The following MAU2 variants were observed in gnomAD, a reference collection of about 807,000 sequenced individuals.
MAU2 encodes MAU2 chromatid cohesion factor homolog.
A neutral mutation model predicts 89.1 loss-of-function variants in MAU2; 9 were observed. The observed-to-expected ratio is 0.10, with a 90% confidence interval of 0.06 to 0.18. The LOEUF (loss-of-function observed/expected upper bound fraction) is 0.18. MAU2 is among the 10% of genes least tolerant of loss of function. MAU2 has a pLI of 1.00. For synonymous variants in MAU2, 357 were observed against 343.4 expected (o/e 1.04, Z -0.44); for missense variants, 425 against 803.5 (o/e 0.53, Z 5.69).
rs2048204937 is a variant in MAU2, at chr19:19,358,653, T to G, written c.*2871T>G. On this transcript the variant is annotated 3_prime_UTR_variant, in exon 19 of 19. Transcript: ENST00000262815. ...TTTACTTAGGGAAAAAAACAATTTG[T>G]AAATACAGAACATTGTTTAAAAGAC... The G allele has an allele frequency of 6.6e-6, 1 of 152,260 alleles. No homozygotes were observed. The highest frequency in any genetic ancestry group is 1.5e-5 in the Non-Finnish European group (1 of 68,044). 9.4% of individuals were successfully genotyped at this position (152,260 alleles called of 1,614,324 possible).
In MAU2 at chr19:19,356,421, C is replaced by G. The variant is rs1218318829; in HGVS notation, c.*639C>G. ...AACATCTGCACCTTGACCGGACTCG[C>G]CATCCCGCCGTGGGGGTGCAGGTGA... On this transcript the variant is annotated 3_prime_UTR_variant, in exon 19 of 19. Transcript: ENST00000262815. 3.8e-6 allele frequency: 1 copy of G among 265,902 alleles called. No homozygotes were observed. The highest frequency in any genetic ancestry group is 2.2e-5 in the African/African-American group (1 of 44,906). 16.5% of individuals were successfully genotyped at this position (265,902 alleles called of 1,614,324 possible).
At chr19:19,322,984 G>A (rs558927483) in intron 1 of MAU2, among the ~76,000 whole-genome samples, 5 of 152,092 alleles carry the variant, frequency 3.3e-5, no homozygotes, top group Admixed American at 6.5e-5. Flanking sequence ...TCCGTCTCCC[G>A]GGTTCAAGTG....
Position 19,345,193 on chromosome 19 carries a change from C to A in MAU2, c.1156-111C>A. 1.0e-6 allele frequency: 1 copy of A among 959,386 alleles called. No individual in the cohort carries two copies. The highest frequency in any genetic ancestry group is 1.7e-6 in the Non-Finnish European group (1 of 601,602). 59.4% of individuals were successfully genotyped at this position (959,386 alleles called of 1,614,324 possible). Reference sequence around the variant, plus strand: ...TGCCTTGCAGCTGGCTCGGTAGAGCCATTGTCATACTCCTCCAGGGCAGCC... The same window carrying A: ...TGCCTTGCAGCTGGCTCGGTAGAGCAATTGTCATACTCCTCCAGGGCAGCC... On this transcript the variant is annotated intron_variant, in intron 11 of 18. Coordinates refer to ENST00000262815, the MANE Select transcript of MAU2 (RefSeq NM_015329.4). This position sits in a 1 kb window ranked among gnomAD's most constrained non-coding sequence, Gnocchi z 4.9.
At chr19:19,346,517 A>T (rs1056033147) in intron 12 of MAU2, among the ~76,000 whole-genome samples, 2 of 152,082 alleles carry the variant, frequency 1.3e-5, no homozygotes, top group African/African-American at 4.8e-5. Flanking sequence ...TGGCCCTGAA[A>T]CAAACATCTC....
At chr19:19,325,579 A>C (rs1944154997) in intron 1 of MAU2, among the ~76,000 whole-genome samples, 1 of 152,164 alleles carries the variant, frequency 6.6e-6, no homozygotes, top group African/African-American at 2.4e-5. Context: ...TCCCGGGTTC[A>C]AACGATTCTC....
chr19:19,330,128 C>G (rs890473629), intron 1 of MAU2, among the ~76,000 whole-genome samples: 1 of 151,830 alleles, frequency 6.6e-6, no homozygotes, highest in Non-Finnish European at 1.5e-5. Flanking sequence ...GACAGGCACA[C>G]ACCACCATGC....
chr19:19,328,108 C>G (rs956333704), intron 1 of MAU2, among the ~76,000 whole-genome samples: 2 of 150,216 alleles, frequency 1.3e-5, no homozygotes, highest in East Asian at 3.9e-4. Context: ...ATCAGTGAGC[C>G]GTGTTCCTGC....
In MAU2 at chr19:19,355,804, CTCCGCAGGGCCTGCGCGTCTCCGGCT is replaced by C. The variant is rs2048171207; in HGVS notation, c.*26_*51del. 1.3e-6 allele frequency: 2 copies of C among 1,598,434 alleles called. No individual in the cohort carries two copies. Among genetic ancestry groups the C allele is most frequent in the African/African-American group, 1.3e-5 (1 of 74,864 alleles). On this transcript the variant is annotated 3_prime_UTR_variant, in exon 19 of 19. Coordinates refer to ENST00000262815, the MANE Select transcript of MAU2 (RefSeq NM_015329.4). Reference sequence around the variant, plus strand: ...GTGAGGCCTTGATGGGGCCATCCAGCTCCGCAGGGCCTGCGCGTCTCCGGCTTCCACCCAGACGGCACTCAAGCCTG... The same window carrying C: ...GTGAGGCCTTGATGGGGCCATCCAGCTCCACCCAGACGGCACTCAAGCCTG...
intron 13 of MAU2, chr19:19,347,583 C>A (rs534735055): frequency 7.5e-6 from 4 of 535,344 alleles, no homozygotes; most frequent in Non-Finnish European, 1.3e-5. Context: ...ATTCCCATAG[C>A]CACAGAACAC....
chr19:19,320,899 G>T lies in MAU2; in HGVS notation c.40G>T (p.Ala14Ser), dbSNP rs2061446300. ...GGCGGCAGCGGCCCAGGCGGCGGCG[G>T]CCCAGGCTGCGCAGGCCGAGGCGGC... ...QAAAAAQAAA[A>S]QAAQAEAADS... is the part of the protein sequence containing the mutation. The change falls in exon 1 of 19, where the codon GCC becomes TCC. Residue 14 changes from alanine to serine, a missense_variant. Physicochemically the swap from Ala to Ser is moderately conservative, Grantham distance 99 (BLOSUM62 1). This residue lies in a region of MAU2 where 61 missense variants were observed against 40.1 expected (regional missense o/e 1.52). Coordinates refer to ENST00000262815, the MANE Select transcript of MAU2 (RefSeq NM_015329.4). The T allele has an allele frequency of 1.3e-6, 2 of 1,542,750 alleles. No individual in the cohort carries two copies. Among genetic ancestry groups the T allele is most frequent in the Non-Finnish European group, 1.7e-6 (2 of 1,146,502 alleles).
At chr19:19,328,630 C>T (rs1204355100) in intron 1 of MAU2, among the ~76,000 whole-genome samples, 1 of 152,154 alleles carries the variant, frequency 6.6e-6, no homozygotes, top group African/African-American at 2.4e-5. Flanking sequence ...ACCATGTTAG[C>T]CAGGATGGTT....
Position 19,349,423 on chromosome 19 carries a change from T to A in MAU2, c.1535T>A (p.Leu512Gln). 1 of 1,613,986 alleles carries A rather than the reference T, an allele frequency of 6.2e-7. No individual in the cohort carries two copies. The highest frequency in any genetic ancestry group is 8.5e-7 in the Non-Finnish European group (1 of 1,179,974). The change falls in exon 16 of 19, where the codon CTG (leucine) becomes CAG (glutamine). Residue 512 changes from leucine (L) to glutamine (Q), a missense_variant. Physicochemically the swap from Leu to Gln is moderately radical, Grantham distance 113. Around this residue, in one of 11 missense-constraint regions of MAU2, gnomAD observed 33 missense variants for 94.1 expected, o/e 0.35. Coordinates refer to ENST00000262815, the MANE Select transcript of MAU2 (RefSeq NM_015329.4). ...LVLLGHIFYV[L>Q]GNHRESNNMV... ...CTTCTGGGCCACATCTTCTATGTGC[T>A]GGGAAACCACAGGGTGAGTGCCCTG... is the stretch of plus-strand genomic sequence containing the variant.
At chr19:19,337,806 A>G (rs971294352) in intron 4 of MAU2, among the ~76,000 whole-genome samples, 1 of 152,060 alleles carries the variant, frequency 6.6e-6, no homozygotes, top group Non-Finnish European at 1.5e-5. Context: ...GTTCCTCCTC[A>G]TGCTCCCTTT....
At position 19,338,922 on chromosome 19, in the gene MAU2, G is replaced by C. The variant is rs774941172; in HGVS notation, c.534G>C (p.Val178=). The change falls in exon 5 of 19, where the codon GTG becomes GTC. Residue 178 remains valine (V), a synonymous_variant. Coordinates refer to ENST00000262815, the MANE Select transcript of MAU2 (RefSeq NM_015329.4). ...TAGGGGCCGAGTACGCCCGGGTGGT[G>C]GGATCTGAATACACACGGTAGGCAC... is the stretch of plus-strand genomic sequence containing the variant. ...LGVGAEYARV[V]GSEYTRALFL... 2 of 1,613,274 alleles carry C rather than the reference G, an allele frequency of 1.2e-6. No homozygotes were observed. Among genetic ancestry groups the C allele is most frequent in the Non-Finnish European group, 1.7e-6 (2 of 1,179,808 alleles).
rs934164830 is a variant in MAU2, at chr19:19,358,293, G to A, written c.*2511G>A. ...TCTGCCCTTGTCCTGTGGGTTGAGG[G>A]GGTCTGACCAGGAGGCCACCTACAG... On this transcript the variant is annotated 3_prime_UTR_variant, in exon 19 of 19. Transcript: ENST00000262815. 6.6e-6 allele frequency: 1 copy of A among 152,224 alleles called. No individual in the cohort carries two copies. The highest frequency in any genetic ancestry group is 2.4e-5 in the African/African-American group (1 of 41,438). The allele number at this position is 152,224 out of a possible 1,614,324, so 9.4% of individuals were successfully genotyped here.
At chr19:19,336,853 C>A (rs950751422) in intron 3 of MAU2, among the ~76,000 whole-genome samples, 2 of 152,188 alleles carry the variant, frequency 1.3e-5, no homozygotes, top group Non-Finnish European at 2.9e-5. Flanking sequence ...CACCCTGATG[C>A]CTCTCTCTGG....
Position 19,356,954 on chromosome 19 carries a change from C to G in MAU2, c.*1172C>G, listed in dbSNP as rs1344598974. 6.6e-6 allele frequency: 1 copy of G among 152,222 alleles called. No homozygotes were observed. The highest frequency in any genetic ancestry group is 1.5e-5 in the Non-Finnish European group (1 of 68,094). 9.4% of individuals were successfully genotyped at this position (152,222 alleles called of 1,614,324 possible). On this transcript the variant is annotated 3_prime_UTR_variant, in exon 19 of 19. Coordinates refer to ENST00000262815, the MANE Select transcript of MAU2 (RefSeq NM_015329.4). Reference sequence around the variant, plus strand: ...GCAGCAGGTGTCAGGGCTCAAGACACCACCCCCTCCAGCTTCTGGGGCCCA... The same window carrying G: ...GCAGCAGGTGTCAGGGCTCAAGACAGCACCCCCTCCAGCTTCTGGGGCCCA...
chr19:19,353,954 G>C (rs1269059829), intron 16 of MAU2: 4 of 234,176 alleles, frequency 1.7e-5, no homozygotes, highest in Non-Finnish European at 2.6e-5. Context: ...CTCAATTGTG[G>C]AAGACAAACC....
At chr19:19,349,547 C>T (rs1403652940) in intron 16 of MAU2, 111 bp downstream of exon 16, 7 of 906,052 alleles carry the variant, frequency 7.7e-6, no homozygotes, top group South Asian at 1.4e-5. Context: ...CTATGCCCCT[C>T]GAAGAGCACG....
Sources: gnomAD v4.1 joint callset for allele counts (sites outside exome capture counted in the v4.1 genomes callset) on GRCh38, gnomAD v4.1.1 for gene constraint, gnomAD v4.1.1 regional missense constraint, Gnocchi (gnomAD v3.1) non-coding constraint, MANE v1.5 for transcripts, NCBI Gene and HGNC (gene_info 2026-07-23, HGNC 2026-07-21) for gene names.